The following GEMIN8 variants were observed in gnomAD, a reference collection of about 807,000 sequenced individuals.
GEMIN8 encodes gem nuclear organelle associated protein 8.
For synonymous variants in GEMIN8, 80 were observed against 78.5 expected, an observed-to-expected ratio of 1.02 and a Z score of -0.10; for missense variants, 185 against 205.9, an observed-to-expected ratio of 0.90 and a Z score of 0.62.
intron 2 of GEMIN8, among the ~76,000 whole-genome samples, chrX:14,022,022 T>C (rs751461880): frequency 4.0e-5 from 4 of 99,386 alleles, no homozygotes; most frequent in Admixed American, 1.1e-4. Context: ...TATACACATG[T>C]ATATATACAC....
chrX:13,997,963 A>C, the GEMIN8 span, among the ~76,000 whole-genome samples: 5 of 110,460 alleles, frequency 4.5e-5, no homozygotes, highest in Admixed American at 1.9e-4. Context: ...GGCAAGAATA[A>C]ATTAATAGTC....
chrX:14,014,074 C>A (rs1923746382), intron 4 of GEMIN8: 1 of 749,229 alleles, frequency 1.3e-6, no homozygotes, highest in South Asian at 6.8e-5. Context: ...TCTTATATAG[C>A]AGGAAAACTT....
At chrX:14,023,437 T>C (rs1924496199) in intron 2 of GEMIN8, among the ~76,000 whole-genome samples, 1 of 109,158 alleles carries the variant, frequency 9.2e-6, no homozygotes, top group African/African-American at 3.4e-5. Context: ...TGGAGTGCAA[T>C]GGCATGATCT....
Position 14,008,718 on chromosome X carries a change from G to T in GEMIN8, c.*195C>A. The T allele has an allele frequency of 2.2e-6, 1 of 445,119 alleles. No homozygotes were observed. The allele number at this position is 445,119 out of a possible 1,213,427, so 36.7% of individuals were successfully genotyped here. ...TGTCAGGAGAAAATTTATCATGTTG[G>T]CAACAGAACATGTCCTGCAGACCTC... On this transcript the variant is annotated 3_prime_UTR_variant, in exon 5 of 5. Transcript: ENST00000680255.
At chrX:13,985,064 A>G in the GEMIN8 span, among the ~76,000 whole-genome samples, 2 of 111,581 alleles carry the variant, frequency 1.8e-5, no homozygotes, top group African/African-American at 6.5e-5. Flanking sequence ...GGACAAGTCT[A>G]ACTTCTCTCC....
chrX:13,992,594 G>T, the GEMIN8 span, among the ~76,000 whole-genome samples: 1 of 111,178 alleles, frequency 9.0e-6, no homozygotes, highest in African/African-American at 3.3e-5. Context: ...TTTCTATTGA[G>T]CTCCCAATTG....
the GEMIN8 span, among the ~76,000 whole-genome samples, chrX:14,000,452 C>A: frequency 9.1e-6 from 1 of 110,220 alleles, no homozygotes; most frequent in East Asian, 2.9e-4. Context: ...AAAAAATTAG[C>A]CAGGCGTGGT....
chrX:13,991,134 A>G, the GEMIN8 span, among the ~76,000 whole-genome samples: 1 of 112,590 alleles, frequency 8.9e-6, no homozygotes. Flanking sequence ...ACAAGTTCAG[A>G]CTGAAAGAGA....
chrX:14,003,702 T>C (rs1923047150), downstream of GEMIN8, among the ~76,000 whole-genome samples: 1 of 112,491 alleles, frequency 8.9e-6, no homozygotes, highest in African/African-American at 3.2e-5. Context: ...AATGCCTACA[T>C]TCTGAAACAT....
chrX:13,991,728 C>A, the GEMIN8 span, among the ~76,000 whole-genome samples: 1 of 93,000 alleles, frequency 1.1e-5, no homozygotes, highest in African/African-American at 4.0e-5. Flanking sequence ...ACACACTTTT[C>A]CCATCTCCCG....
At chrX:13,995,978 C>T in the GEMIN8 span, among the ~76,000 whole-genome samples, 659 of 111,934 alleles carry the variant, frequency 5.9e-3, 11 homozygotes, top group East Asian at 0.097. Context: ...TCTAACTTCC[C>T]ACTCTGTTTG....
chrX:14,017,489 T>C (rs372759391), intron 4 of GEMIN8, among the ~76,000 whole-genome samples: 5 of 112,037 alleles, frequency 4.5e-5, no homozygotes, highest in African/African-American at 1.6e-4. Context: ...CCAGGGTGAT[T>C]GTACTCCTTT....
chrX:13,999,845 A>G, the GEMIN8 span, among the ~76,000 whole-genome samples: 3 of 111,688 alleles, frequency 2.7e-5, no homozygotes, highest in African/African-American at 9.8e-5. Context: ...CCTTCTCATC[A>G]TATCATATCA....
chrX:14,028,696 T>C (rs1924822547), intron 1 of GEMIN8, among the ~76,000 whole-genome samples: 1 of 112,111 alleles, frequency 8.9e-6, no homozygotes, highest in African/African-American at 3.2e-5. Flanking sequence ...AACTTTAGTT[T>C]GTATACTTCC....
At chrX:14,001,412 C>G in the GEMIN8 span, among the ~76,000 whole-genome samples, 10 of 112,567 alleles carry the variant, frequency 8.9e-5, no homozygotes, top group African/African-American at 9.7e-5. Flanking sequence ...CAAATTTCTT[C>G]AATGATCTAA....
intron 3 of GEMIN8, 67 bp downstream of exon 3, chrX:14,021,397 A>T: frequency 1.5e-6 from 1 of 656,627 alleles, no homozygotes. Context: ...AAGTATAAAA[A>T]AAAAGACTAA....
At chrX:13,988,097 G>T in the GEMIN8 span, among the ~76,000 whole-genome samples, 3 of 111,595 alleles carry the variant, frequency 2.7e-5, no homozygotes, top group Non-Finnish European at 5.7e-5. Context: ...TCAGTACATT[G>T]TCACCCACTG....
At chrX:14,005,730 C>T (rs1923128381), downstream of GEMIN8, among the ~76,000 whole-genome samples, 1 of 111,193 alleles carries the variant, frequency 9.0e-6, no homozygotes. Context: ...TGGTACTGGG[C>T]CTTTAACTTG....
rs777449530 is a variant in GEMIN8 at position 14,009,020 on chromosome X, T to C, written c.622A>G (p.Ser208Gly). 12 of 1,210,361 alleles carry C rather than the reference T, an allele frequency of 9.9e-6. No individual in the cohort carries two copies. The highest frequency in any genetic ancestry group is 1.7e-5 in the African/African-American group (1 of 57,322). The change falls in exon 5 of 5, where the codon AGT (serine) becomes GGT (glycine). Residue 208 changes from serine to glycine, a missense_variant. Physicochemically the swap from Ser to Gly is moderately conservative, Grantham distance 56 (BLOSUM62 0). Coordinates refer to ENST00000680255, the MANE Select transcript of GEMIN8 (RefSeq NM_001042479.2). ...TCCATGGCTTGGATCTTGGCAGCACTGTCCCCGTACAAACGCTTCATCTCG... is the reference window on the plus strand; with the variant it reads ...TCCATGGCTTGGATCTTGGCAGCACCGTCCCCGTACAAACGCTTCATCTCG... ...QAEMKRLYGD[S>G]AAKIQAMEAA...
Sources: allele counts gnomAD v4.1 joint callset (sites outside exome capture counted in the v4.1 genomes callset), GRCh38; gene constraint gnomAD v4.1.1; transcripts MANE v1.5; gene names NCBI Gene and HGNC (gene_info 2026-07-23, HGNC 2026-07-21).